SDK2: variants seen among roughly 807,000 people sequenced by gnomAD.
SDK2 encodes the protein protein sidekick-2.
A neutral mutation model predicts 253.9 loss-of-function variants in SDK2; 105 were observed. The ratio of observed to expected loss-of-function variants is 0.41; its 90% CI spans 0.35 to 0.49. The LOEUF (loss-of-function observed/expected upper bound fraction) is 0.49, where lower values mean the gene tolerates loss of function less well. SDK2 is among the 20% of genes least tolerant of loss of function. SDK2 has a pLI of 0.06. For synonymous variants in SDK2, 1,249 were observed against 1,234.9 expected, an observed-to-expected ratio of 1.01 and a Z score of -0.24; for missense variants, 2,608 against 3,003.0, an observed-to-expected ratio of 0.87 and a Z score of 3.07.
chr17:73,461,332 T>C (rs529239154), intron 3 of SDK2, among the ~76,000 whole-genome samples: 1 of 152,364 alleles, frequency 6.6e-6, no homozygotes, highest in South Asian at 2.1e-4. Flanking sequence ...GCTTCCAGTC[T>C]GGTCAGGGAG....
chr17:73,351,763 T>A (rs919492352), intron 41 of SDK2, among the ~76,000 whole-genome samples: 3 of 152,152 alleles, frequency 2.0e-5, no homozygotes, highest in Non-Finnish European at 4.4e-5. Flanking sequence ...AGATGGGCTC[T>A]CTGTTTCGGC....
intron 3 of SDK2, among the ~76,000 whole-genome samples, chr17:73,459,417 C>T (rs552947720): frequency 1.3e-5 from 2 of 152,320 alleles, no homozygotes; most frequent in South Asian, 4.1e-4. Context: ...GCCCACACCA[C>T]GTCCTGCCAC....
intron 16 of SDK2, among the ~76,000 whole-genome samples, chr17:73,417,034 T>C (rs1309381552): frequency 1.3e-5 from 2 of 152,222 alleles, no homozygotes; most frequent in African/African-American, 2.4e-5. Flanking sequence ...ATATACGTGT[T>C]AATCGACTGG....
rs1483032583 is a variant in SDK2, at chr17:73,398,107, T to A, written c.3282A>T (p.Ala1094=). The A allele has an allele frequency of 6.2e-7, 1 of 1,613,454 alleles. No homozygotes were observed. The highest frequency in any genetic ancestry group is 1.1e-5 in the South Asian group (1 of 91,052). The change falls in exon 24 of 45, where the codon GCA becomes GCT. Residue 1094 remains alanine (A), a synonymous_variant. Coordinates refer to ENST00000392650, the MANE Select transcript of SDK2 (RefSeq NM_001144952.2). The part of the protein sequence containing the change: ...QPSRKIQTLQ[A]PPDMAPANVS... ...CATTGGCTGGGGCCATGTCAGGGGG[T>A]GCCTGCAGGGTCTGGATCTTTCTAG...
intron 1 of SDK2, among the ~76,000 whole-genome samples, chr17:73,611,285 G>C (rs1406885500): frequency 2.0e-5 from 3 of 152,156 alleles, no homozygotes; most frequent in Non-Finnish European, 4.4e-5. Context: ...TCAGCCTCTG[G>C]CTCTGTCCTC....
Position 73,399,148 on chromosome 17 carries a change from AG to A in SDK2, c.3093+19del, listed in dbSNP as rs1279245213. 1.9e-6 allele frequency: 3 copies of A among 1,612,392 alleles called. No individual in the cohort carries two copies. The South Asian group carries it at 3.3e-5, about 18-fold the overall frequency. On this transcript the variant is annotated intron_variant, in intron 22 of 44. Transcript: ENST00000392650. ...GGTGCCCTGGCGGGGGCTGCTGGTCAGGCCCCAGGCCTGCCCTACCTGGGCT... is the reference window on the plus strand; with the variant it reads ...GGTGCCCTGGCGGGGGCTGCTGGTCAGCCCCAGGCCTGCCCTACCTGGGCT...
chr17:73,636,111 A>G (rs1355534372), intron 1 of SDK2, among the ~76,000 whole-genome samples: 1 of 152,158 alleles, frequency 6.6e-6, no homozygotes, highest in African/African-American at 2.4e-5. Context: ...ACAGTGACGT[A>G]TGCCGTGGAA....
chr17:73,530,463 A>G (rs2145802070), intron 1 of SDK2, among the ~76,000 whole-genome samples: 1 of 152,178 alleles, frequency 6.6e-6, no homozygotes, highest in Admixed American at 6.5e-5. Flanking sequence ...ACCTCCCACA[A>G]AGTCCCTCCC....
At chr17:73,584,406 C>T (rs1363514621) in intron 1 of SDK2, among the ~76,000 whole-genome samples, 1 of 152,224 alleles carries the variant, frequency 6.6e-6, no homozygotes, top group African/African-American at 2.4e-5. Context: ...GGGTCACCCT[C>T]TCAGTGCTTT....
chr17:73,552,444 T>A (rs1214687882), intron 1 of SDK2, among the ~76,000 whole-genome samples: 1 of 152,160 alleles, frequency 6.6e-6, no homozygotes, highest in Non-Finnish European at 1.5e-5. Context: ...TGTCACGCAT[T>A]GAAACTGGAG....
chr17:73,502,899 G>C (rs1235850715), intron 2 of SDK2, among the ~76,000 whole-genome samples: 1 of 152,184 alleles, frequency 6.6e-6, no homozygotes, highest in East Asian at 1.9e-4. Flanking sequence ...ATATCACCTT[G>C]ACCAGTTCAT....
chr17:73,560,631 C>T (rs976368809), intron 1 of SDK2, among the ~76,000 whole-genome samples: 18 of 152,242 alleles, frequency 1.2e-4, no homozygotes, highest in Admixed American at 9.8e-4. Flanking sequence ...TGAGCCACCT[C>T]GCCTGGCCTC....
At chr17:73,428,369 GT>G (rs912622120) in intron 12 of SDK2, among the ~76,000 whole-genome samples, 5 of 152,034 alleles carry the variant, frequency 3.3e-5, no homozygotes, top group African/African-American at 9.7e-5. Context: ...TGGCCAGAGT[GT>G]TTTTTTCTAG....
chr17:73,417,100 G>A (rs2063188998), intron 16 of SDK2, among the ~76,000 whole-genome samples: 1 of 151,942 alleles, frequency 6.6e-6, no homozygotes, highest in African/African-American at 2.4e-5. Context: ...TTTTTGGGGA[G>A]TCAAAAATTA....
chr17:73,423,577 G>A, intron 13 of SDK2, 55 bp from the exon 14 acceptor site: 4 of 1,461,240 alleles, frequency 2.7e-6, no homozygotes, highest in Non-Finnish European at 1.8e-6. Context: ...GCAGGTGACG[G>A]GGGCGCTGTG....
In SDK2 at chr17:73,401,741, C is replaced by A; in HGVS notation, c.2692G>T (p.Val898Leu). The A allele has an allele frequency of 1.3e-6, 2 of 1,577,584 alleles. No homozygotes were observed. Among genetic ancestry groups the A allele is most frequent in the South Asian group, 1.2e-5 (1 of 86,166 alleles). Residue 898 changes from valine to leucine, a missense_variant, in exon 20 of 45, where the codon GTG (valine) becomes TTG (leucine). By Grantham distance (32) the Val-to-Leu change is conservative. Around this residue, in one of 2 missense-constraint regions of SDK2, gnomAD observed 1,505 missense variants for 1,859.1 expected, o/e 0.81. Coordinates refer to ENST00000392650, the MANE Select transcript of SDK2 (RefSeq NM_001144952.2). ...ATCTCACTGAAGCTCAGGTGTCCCA[C>A]GGGCCCAGGCACTGCACCCCAAAAG... is the stretch of plus-strand genomic sequence containing the variant. The part of the protein sequence containing the change: ...VRTHEDVPGP[V>L]GHLSFSEILD...
intron 1 of SDK2, among the ~76,000 whole-genome samples, chr17:73,577,144 G>A (rs1164952675): frequency 6.6e-6 from 1 of 152,210 alleles, no homozygotes; most frequent in Non-Finnish European, 1.5e-5. Flanking sequence ...TGTCCTGGAA[G>A]CAGATCCTTG....
At chr17:73,523,040 A>G (rs1210976309) in intron 1 of SDK2, among the ~76,000 whole-genome samples, 15 of 152,188 alleles carry the variant, frequency 9.9e-5, no homozygotes. Flanking sequence ...CATCTAGCCC[A>G]ACCTCTCTTG....
chr17:73,455,981 G>C lies in SDK2; in HGVS notation c.404C>G (p.Pro135Arg). Residue 135 changes from proline to arginine, a missense_variant, in exon 4 of 45, where the codon CCG (proline) becomes CGG (arginine). Physicochemically the swap from Pro to Arg is moderately radical, Grantham distance 103. This residue lies in a region of SDK2 where 1,505 missense variants were observed against 1,859.1 expected (regional missense o/e 0.81). Coordinates refer to ENST00000392650, the MANE Select transcript of SDK2 (RefSeq NM_001144952.2). The surrounding 1 kb of genome is among the most constrained non-coding windows in gnomAD (Gnocchi z 5.0). Reference protein sequence around the residue: ...SHGEAAVIRAPRIASFPQPQV... With the variant: ...SHGEAAVIRARRIASFPQPQV... ...TGGCTGGGGGAAGCTGGCGATGCGC[G>C]GGGCACGGATGACAGCTGCTTCTCC... is the stretch of plus-strand genomic sequence containing the variant. 6.5e-7 allele frequency: 1 copy of C among 1,548,298 alleles called. No homozygotes were observed. Among genetic ancestry groups the C allele is most frequent in the South Asian group, 1.2e-5 (1 of 83,824 alleles).
Sources: allele counts gnomAD v4.1 joint callset (sites outside exome capture counted in the v4.1 genomes callset), GRCh38; gene constraint gnomAD v4.1.1; regional missense constraint gnomAD v4.1.1; non-coding constraint Gnocchi (gnomAD v3.1); transcripts MANE v1.5; gene names NCBI Gene and HGNC (gene_info 2026-07-23, HGNC 2026-07-21).